The following PAPSS2 variants were observed in gnomAD, a reference collection of about 807,000 sequenced individuals.
The protein encoded by PAPSS2 is bifunctional 3'-phosphoadenosine 5'-phosphosulfate synthase 2.
PAPSS2 carries 61 observed loss-of-function variants against 66.5 expected under a neutral mutation model. That is an observed-to-expected ratio of 0.92 (90% CI 0.75 to 1.14). The LOEUF is 1.14. Ranked by LOEUF, PAPSS2 falls within the 50% of genes most tolerant of loss-of-function variation. The probability of loss-of-function intolerance (pLI) is 0.00; values close to 1 mark genes in which losing one functional copy is unlikely to be tolerated. For synonymous variants in PAPSS2, 289 were observed against 287.5 expected, an observed-to-expected ratio of 1.01 and a Z score of -0.05; for missense variants, 708 against 789.6, an observed-to-expected ratio of 0.90 and a Z score of 1.24.
chr10:87,677,500 A>G (rs1852963951), intron 1 of PAPSS2, among the ~76,000 whole-genome samples: 1 of 152,252 alleles, frequency 6.6e-6, no homozygotes, highest in Non-Finnish European at 1.5e-5. Flanking sequence ...TTTTGGATCA[A>G]AAATGACAGA....
At position 87,713,155 on chromosome 10, in the gene PAPSS2, C is replaced by T. The variant is rs1231898110; in HGVS notation, c.226C>T (p.Leu76=). 5 of 1,613,130 alleles carry T rather than the reference C, an allele frequency of 3.1e-6. No individual in the cohort carries two copies. The highest frequency in any genetic ancestry group is 4.2e-6 in the Non-Finnish European group (5 of 1,179,426). The change falls in exon 3 of 13, where the codon CTG becomes TTG. Residue 76 remains leucine (L), a synonymous_variant. Coordinates refer to ENST00000456849, the MANE Select transcript of PAPSS2 (RefSeq NM_001015880.2). ...LVSHAIPCYS[L]DGDNVRHGLN... is the part of the protein sequence containing the mutation. ...CTCCCATGCCATCCCTTGTTACTCCCTGGATGGGGACAATGTCCGTCATGG... is the reference window on the plus strand; with the variant it reads ...CTCCCATGCCATCCCTTGTTACTCCTTGGATGGGGACAATGTCCGTCATGG...
intron 1 of PAPSS2, among the ~76,000 whole-genome samples, chr10:87,678,699 T>C (rs1277606706): frequency 6.6e-6 from 1 of 152,088 alleles, no homozygotes; most frequent in Non-Finnish European, 1.5e-5. Flanking sequence ...ACATCACTAA[T>C]TGTCAGGAAA....
intron 1 of PAPSS2, among the ~76,000 whole-genome samples, chr10:87,683,910 G>A (rs998220538): frequency 6.6e-6 from 1 of 152,010 alleles, no homozygotes; most frequent in African/African-American, 2.4e-5. Flanking sequence ...GCCCAAGCTG[G>A]TCTTGAACTC....
chr10:87,720,249 C>G (rs769190739), intron 7 of PAPSS2, among the ~76,000 whole-genome samples: 16 of 152,118 alleles, frequency 1.1e-4, no homozygotes, highest in Non-Finnish European at 2.1e-4. Flanking sequence ...GCAATCTACA[C>G]AACAAAATGG....
chr10:87,709,389 G>A, intron 2 of PAPSS2, 76 bp downstream of exon 2: 1 of 882,898 alleles, frequency 1.1e-6, no homozygotes, highest in Middle Eastern at 2.9e-4. Flanking sequence ...GGAAATTAGT[G>A]TAACGTATTA....
Position 87,722,981 on chromosome 10 carries a change from G to A in PAPSS2, c.880+1211G>A, listed in dbSNP as rs73340894. Among the ~76,000 whole-genome samples the A allele has an allele frequency of 3.9e-3, 589 of 152,262 alleles. 6 individuals carry two copies. Among genetic ancestry groups the A allele is most frequent in the African/African-American group, 0.014 (565 of 41,546 alleles). ...AAGGCCAAGATGAAGGTAGATTAGA[G>A]GCTAAATTGGTCAGGAATCTAGTGG... On this transcript the variant is annotated intron_variant, in intron 8 of 12. Transcript: ENST00000456849.
At chr10:87,735,349 GT>G (rs1422049381) in intron 9 of PAPSS2, among the ~76,000 whole-genome samples, 1 of 152,114 alleles carries the variant, frequency 6.6e-6, no homozygotes, top group Non-Finnish European at 1.5e-5. Flanking sequence ...AAACAGACAG[GT>G]TTTTAGGCTG....
rs888582929 is a variant in PAPSS2, at chr10:87,688,704, G to A, written c.28-20492G>A. Among the ~76,000 whole-genome samples, 20 of 151,956 alleles carry A rather than the reference G, an allele frequency of 1.3e-4. 2 individuals carry two copies. In the East Asian group the frequency reaches 3.5e-3, roughly 27 times the overall value. ...GATCTCCTGACCTCATGATCCTCCC[G>A]CCTCGGCCTCCCAAAGTGCTGGGAT... On this transcript the variant is annotated intron_variant, in intron 1 of 12. Transcript: ENST00000456849.
chr10:87,696,720 T>C (rs1853239504), intron 1 of PAPSS2, among the ~76,000 whole-genome samples: 1 of 152,240 alleles, frequency 6.6e-6, no homozygotes, highest in Non-Finnish European at 1.5e-5. Context: ...AGAAATGTGA[T>C]CACGAAGGAT....
intron 1 of PAPSS2, among the ~76,000 whole-genome samples, chr10:87,683,336 A>ACCCACCTCAGGTGATCCG (rs1384735040): frequency 1.3e-5 from 2 of 151,072 alleles, no homozygotes; most frequent in Non-Finnish European, 1.5e-5. Flanking sequence ...CAGGTGATCC[A>ACCCACCTCAGGTGATCCG]CCCACCTCAG....
chr10:87,684,965 T>G (rs1343738331), intron 1 of PAPSS2, among the ~76,000 whole-genome samples: 1 of 152,214 alleles, frequency 6.6e-6, no homozygotes, highest in Non-Finnish European at 1.5e-5. Flanking sequence ...TCTAAAGGAC[T>G]GCCTCTGAAG....
intron 1 of PAPSS2, among the ~76,000 whole-genome samples, chr10:87,703,363 A>G (rs549113080): frequency 6.6e-6 from 1 of 151,748 alleles, no homozygotes; most frequent in African/African-American, 2.4e-5. Context: ...CATGAGTGCC[A>G]CATCCTCCCC....
At chr10:87,678,590 TAA>T (rs34785604) in intron 1 of PAPSS2, among the ~76,000 whole-genome samples, 1 of 150,234 alleles carries the variant, frequency 6.7e-6, no homozygotes, top group Non-Finnish European at 1.5e-5. Flanking sequence ...CCCAGCAGCG[TAA>T]AAAAAAAATT....
At chr10:87,717,011 A>G (rs1169161002) in intron 7 of PAPSS2, among the ~76,000 whole-genome samples, 2 of 152,212 alleles carry the variant, frequency 1.3e-5, no homozygotes, top group African/African-American at 4.8e-5. Flanking sequence ...ATTTGCTCAT[A>G]ACATTCATAA....
intron 1 of PAPSS2, among the ~76,000 whole-genome samples, chr10:87,706,084 G>GTATATATA (rs532950801): frequency 2.0e-3 from 122 of 60,104 alleles, no homozygotes; most frequent in South Asian, 5.7e-3. Context: ...TCTTCACATG[G>GTATATATA]TATATATATA....
intron 8 of PAPSS2, among the ~76,000 whole-genome samples, chr10:87,725,851 A>T (rs1013387533): frequency 1.4e-4 from 21 of 150,842 alleles, no homozygotes; most frequent in African/African-American, 4.9e-4. Flanking sequence ...GCATGCCAAC[A>T]TGTCCAGCTA....
At chr10:87,733,882 A>G (rs1242740775) in intron 9 of PAPSS2, among the ~76,000 whole-genome samples, 2 of 149,694 alleles carry the variant, frequency 1.3e-5, no homozygotes, top group East Asian at 4.0e-4. Context: ...TGACAGCTTC[A>G]CCATCCAAAT....
At chr10:87,718,370 C>T (rs1045385109) in intron 7 of PAPSS2, among the ~76,000 whole-genome samples, 3 of 152,100 alleles carry the variant, frequency 2.0e-5, no homozygotes, top group Non-Finnish European at 4.4e-5. Context: ...TGCTCACTAC[C>T]GTGAGGTGGA....
In PAPSS2 at chr10:87,703,276, C is replaced by CGTGTGTGT. The variant is rs10673718; in HGVS notation, c.28-5887_28-5880dup. ...AGCAGCAATAATGACAACAACATTG[C>CGTGTGTGT]GTGTGTGTGTGTGTGTGTGTGTGTG... is the stretch of plus-strand genomic sequence containing the variant. On this transcript the variant is annotated intron_variant, in intron 1 of 12. Coordinates refer to ENST00000456849, the MANE Select transcript of PAPSS2 (RefSeq NM_001015880.2). Among the ~76,000 whole-genome samples the CGTGTGTGT allele has an allele frequency of 2.3e-3, 329 of 145,586 alleles. 1 individual carries two copies. The highest frequency in any genetic ancestry group is 0.011 in the South Asian group (48 of 4,440).
Sources: gnomAD v4.1 joint callset for allele counts (sites outside exome capture counted in the v4.1 genomes callset) on GRCh38, gnomAD v4.1.1 for gene constraint, MANE v1.5 for transcripts, NCBI Gene and HGNC (gene_info 2026-07-23, HGNC 2026-07-21) for gene names.